PARVG: variants seen among roughly 807,000 people sequenced by gnomAD.
PARVG encodes the protein gamma-parvin.
PARVG carries 36 observed loss-of-function variants against 44.4 expected under a neutral mutation model. The observed-to-expected ratio is 0.81, with a 90% CI of 0.62 to 1.07. The LOEUF (loss-of-function observed/expected upper bound fraction) is 1.07. PARVG is among the 50% of genes least tolerant of loss of function. PARVG has a pLI of 0.00. For synonymous variants in PARVG, 170 were observed against 174.1 expected (o/e 0.98, Z 0.19); for missense variants, 407 against 407.4 (o/e 1.00, Z 0.01).
chr22:44,190,707 G>A, intron 7 of PARVG, 41 bp downstream of exon 7: 2 of 1,529,888 alleles, frequency 1.3e-6, no homozygotes, highest in Non-Finnish European at 1.8e-6. Context: ...CAGAAGCTGA[G>A]CCTCTTGGGC....
chr22:44,206,387 G>A lies in PARVG; in HGVS notation c.957G>A (p.Lys319=), dbSNP rs1042064741. ...LYGLFCKHTQ[K]AHRDRTPHGA... ...GTCTGTTCTGCAAGCACACGCAGAAGGCACACAGGGACAGGACGCCCCATG... is the reference window on the plus strand; with the variant it reads ...GTCTGTTCTGCAAGCACACGCAGAAAGCACACAGGGACAGGACGCCCCATG... The change falls in exon 14 of 14, where the codon AAG becomes AAA. Residue 319 remains lysine (K), a synonymous_variant. Transcript: ENST00000444313. 1 of 1,614,072 alleles carries A rather than the reference G, an allele frequency of 6.2e-7. No homozygotes were observed. Among genetic ancestry groups the A allele is most frequent in the Non-Finnish European group, 8.5e-7 (1 of 1,180,000 alleles).
In PARVG at chr22:44,185,877, A is replaced by G. The variant is rs760861636; in HGVS notation, c.144+5A>G. On this transcript the variant is annotated splice_donor_5th_base_variant and intron_variant, in intron 4 of 13. Transcript: ENST00000444313. ...AAATTTGAAGAACTGCAGAAGGTACAGCAGCCTCCACAGCCCTGACTTCCC... is the reference window on the plus strand; with the variant it reads ...AAATTTGAAGAACTGCAGAAGGTACGGCAGCCTCCACAGCCCTGACTTCCC... The G allele has an allele frequency of 5.0e-6, 8 of 1,612,274 alleles. No individual in the cohort carries two copies. The Admixed American group carries it at 1.2e-4, about 24-fold the overall frequency.
chr22:44,185,953 A>C (rs2054461933), intron 4 of PARVG, 81 bp downstream of exon 4: 4 of 1,381,074 alleles, frequency 2.9e-6, no homozygotes, highest in East Asian at 2.5e-5. Flanking sequence ...CGGGGACAGC[A>C]GGCTGTCCCC....
intron 6 of PARVG, 88 bp from the exon 7 acceptor site, chr22:44,190,452 TTGGTCTGCAGA>T: frequency 1.2e-6 from 1 of 864,630 alleles, no homozygotes; most frequent in Non-Finnish European, 2.0e-6. Context: ...ACAGACCTCC[TTGGTCTGCAGA>T]TGGTTGTTCT....
chr22:44,178,676 T>C (rs2054340724), upstream of PARVG, among the ~76,000 whole-genome samples: 1 of 152,198 alleles, frequency 6.6e-6, no homozygotes, highest in Non-Finnish European at 1.5e-5. Flanking sequence ...GACCTGGATG[T>C]TTAAAAAATG....
chr22:44,187,494 T>C (rs990029550), intron 4 of PARVG: 145 of 502,148 alleles, frequency 2.9e-4, no homozygotes, highest in African/African-American at 2.5e-3. Context: ...GGGTATTTGC[T>C]ATGGTAGTAC....
chr22:44,176,579 A>G (rs936819413), upstream of PARVG, among the ~76,000 whole-genome samples: 7 of 124,642 alleles, frequency 5.6e-5, no homozygotes, highest in African/African-American at 2.3e-4. Flanking sequence ...GGAGTATAAC[A>G]CATTGGATTT....
chr22:44,196,820 C>T (rs2054624726), intron 11 of PARVG, among the ~76,000 whole-genome samples: 1 of 152,224 alleles, frequency 6.6e-6, no homozygotes, highest in South Asian at 2.1e-4. Flanking sequence ...GCCCAGCCGT[C>T]TGCAGGCTCC....
At chr22:44,173,255 G>A (rs1407765130) in intron 1 of PARVG, 6 of 1,170,224 alleles carry the variant, frequency 5.1e-6, no homozygotes, top group East Asian at 6.0e-5. Flanking sequence ...CAAAGCTAGC[G>A]GCCAGGAGCA....
intron 1 of PARVG, 125 bp from the exon 2 acceptor site, chr22:44,181,617 A>T: frequency 1.4e-6 from 1 of 721,960 alleles, no homozygotes; most frequent in Non-Finnish European, 1.7e-6. Flanking sequence ...CATTGAGTTT[A>T]AGTGGCCTGC....
intron 11 of PARVG, 79 bp from the exon 12 acceptor site, chr22:44,198,542 G>A: frequency 9.3e-7 from 1 of 1,078,280 alleles, no homozygotes; most frequent in Admixed American, 1.8e-5. Context: ...ACTTCCTTAG[G>A]GCCACACAGC....
At chr22:44,193,745 G>T (rs1343809693) in intron 8 of PARVG, 56 bp from the exon 9 acceptor site, 2 of 1,601,510 alleles carry the variant, frequency 1.2e-6, no homozygotes, top group Non-Finnish European at 1.7e-6. Context: ...GAAATTGTAG[G>T]TTTGCGGGGT....
intron 12 of PARVG, among the ~76,000 whole-genome samples, chr22:44,200,216 G>A (rs1601746669): frequency 2.0e-5 from 3 of 152,310 alleles, no homozygotes; most frequent in Admixed American, 2.0e-4. Flanking sequence ...GGTAGGCCTG[G>A]CCCATGAGAA....
At position 44,182,948 on chromosome 22, in the gene PARVG, T is replaced by G; in HGVS notation, c.-12-370T>G. ...GCTCAACCTGACAAGCTCTGAGGAG[T>G]GAGCTGTACCTACTTTGTCCTGTCT... On this transcript the variant is annotated intron_variant, in intron 2 of 13. Transcript: ENST00000444313. This position sits in a 1 kb window ranked among gnomAD's most constrained non-coding sequence, Gnocchi z 4.6. The G allele has an allele frequency of 4.6e-6, 1 of 219,560 alleles. No homozygotes were observed. Among genetic ancestry groups the G allele is most frequent in the Non-Finnish European group, 9.0e-6 (1 of 111,174 alleles). 13.6% of individuals were successfully genotyped at this position (219,560 alleles called of 1,614,324 possible).
intron 3 of PARVG, chr22:44,184,382 A>G (rs1460238360): frequency 6.6e-6 from 1 of 152,216 alleles, no homozygotes; most frequent in African/African-American, 2.4e-5. Context: ...TGTGTCACCC[A>G]GGCTGGAGTG....
At chr22:44,173,041 C>T (rs2054283902) in exon 1 of PARVG, 1 of 1,289,814 alleles carries the variant, frequency 7.8e-7, no homozygotes, top group South Asian at 1.2e-5. Context: ...GGCGTTGTGA[C>T]TCCACCCAGC....
chr22:44,184,813 AG>A (rs1407850421), intron 3 of PARVG: 4 of 152,242 alleles, frequency 2.6e-5, no homozygotes, highest in African/African-American at 9.6e-5. Flanking sequence ...AAGTGTCCTG[AG>A]GAAAGTTGCT....
At chr22:44,178,524 G>A (rs2092351), upstream of PARVG, among the ~76,000 whole-genome samples, 60,695 of 151,996 alleles carry the variant, frequency 0.4, 12,403 homozygotes, top group East Asian at 0.7. Context: ...TTCAGCACGC[G>A]ACGACATAAA....
At chr22:44,175,755 G>A (rs1322022793) in intron 1 of PARVG, among the ~76,000 whole-genome samples, 1 of 152,162 alleles carries the variant, frequency 6.6e-6, no homozygotes, top group Non-Finnish European at 1.5e-5. Flanking sequence ...ACACAGTGAG[G>A]CCGATGAAGA....
Sources: allele counts gnomAD v4.1 joint callset (sites outside exome capture counted in the v4.1 genomes callset), GRCh38; gene constraint gnomAD v4.1.1; non-coding constraint Gnocchi (gnomAD v3.1); transcripts MANE v1.5; gene names NCBI Gene and HGNC (gene_info 2026-07-23, HGNC 2026-07-21).